Variants in SGCD observed in about 807,000 individuals in gnomAD.
SGCD encodes sarcoglycan delta.
SGCD carries 18 observed loss-of-function variants against 36.6 expected under a neutral mutation model. The observed-to-expected ratio is 0.49, with a 90% CI of 0.34 to 0.73. SGCD has a LOEUF of 0.73. Ranked by LOEUF, SGCD falls within the 30% of genes least tolerant of loss-of-function variation. The pLI is 0.01. For synonymous variants in SGCD, 133 were observed against 130.6 expected, an observed-to-expected ratio of 1.02 and a Z score of -0.12; for missense variants, 387 against 346.7, an observed-to-expected ratio of 1.12 and a Z score of -0.92.
At chr5:156,114,652 A>G (rs987674321) in intron 1 of SGCD, among the ~76,000 whole-genome samples, 1 of 151,996 alleles carries the variant, frequency 6.6e-6, no homozygotes, top group Non-Finnish European at 1.5e-5. Context: ...TAAGGCCCCA[A>G]CCAGTTGTTT....
At chr5:155,957,842 C>T (rs1757695248) in intron 1 of SGCD, among the ~76,000 whole-genome samples, 1 of 152,108 alleles carries the variant, frequency 6.6e-6, no homozygotes, top group Non-Finnish European at 1.5e-5. Context: ...AGGACATGGA[C>T]ATCTTTGGGA....
intron 6 of SGCD, among the ~76,000 whole-genome samples, chr5:156,611,261 C>A (rs529299443): frequency 2.6e-5 from 4 of 152,350 alleles, no homozygotes; most frequent in African/African-American, 9.6e-5. Context: ...ATTGTTCTTT[C>A]ATTTCCAGGT....
At chr5:156,336,742 G>C (rs1768375246) in intron 2 of SGCD, among the ~76,000 whole-genome samples, 3 of 152,246 alleles carry the variant, frequency 2.0e-5, no homozygotes, top group African/African-American at 7.2e-5. Context: ...GGTTGCCTCA[G>C]TGTGGGGAGG....
chr5:156,349,728 A>T (rs907362058), intron 3 of SGCD, among the ~76,000 whole-genome samples: 1 of 152,168 alleles, frequency 6.6e-6, no homozygotes, highest in Non-Finnish European at 1.5e-5. Context: ...TTGATCCAGT[A>T]ATCTCACTGC....
At chr5:156,620,064 G>A (rs753516300) in intron 6 of SGCD, among the ~76,000 whole-genome samples, 6 of 152,162 alleles carry the variant, frequency 3.9e-5, no homozygotes, top group Non-Finnish European at 5.9e-5. Flanking sequence ...AGTAGTATAC[G>A]TCAGCAGAAT....
chr5:156,363,958 C>T (rs149058206), intron 3 of SGCD, among the ~76,000 whole-genome samples: 16 of 152,198 alleles, frequency 1.1e-4, no homozygotes, highest in South Asian at 2.1e-4. Flanking sequence ...CAGGTCTGGA[C>T]GAATAACTGT....
At chr5:155,934,318 C>T (rs1757155123) in intron 1 of SGCD, among the ~76,000 whole-genome samples, 1 of 152,202 alleles carries the variant, frequency 6.6e-6, no homozygotes, top group African/African-American at 2.4e-5. Flanking sequence ...AATGGCCTGA[C>T]TTAGTTGGCA....
chr5:155,799,817 T>C, the SGCD span, among the ~76,000 whole-genome samples: 28 of 135,146 alleles, frequency 2.1e-4, no homozygotes, highest in African/African-American at 4.0e-4. Context: ...TTCCCCTTTT[T>C]TTTTTTTTTT....
At chr5:156,116,235 T>C (rs959003408) in intron 1 of SGCD, among the ~76,000 whole-genome samples, 2 of 152,104 alleles carry the variant, frequency 1.3e-5, no homozygotes, top group Non-Finnish European at 2.9e-5. Flanking sequence ...CCTTTTTTTC[T>C]TAGTATTATT....
rs1759913993 is a variant in SGCD at position 156,051,467 on chromosome 5, C to CTA, written c.-281-66404_-281-66403dup. On this transcript the variant is annotated intron_variant, in intron 1 of 9. Coordinates refer to the SGCD transcript ENST00000517913. Reference sequence around the variant, plus strand: ...GTCTGCTTTTTGGCAAACTGAATAACTATATATAATATACCCAGTGTTCCA... The same window carrying CTA: ...GTCTGCTTTTTGGCAAACTGAATAACTATATATATAATATACCCAGTGTTCCA... 2.1e-5 allele frequency among the ~76,000 whole-genome samples: 3 copies of CTA among 146,276 alleles called. 1 individual carries two copies. Among genetic ancestry groups the CTA allele is most frequent in the Admixed American group, 2.0e-4 (3 of 14,640 alleles).
chr5:156,569,451 G>A (rs1308623670), intron 4 of SGCD, among the ~76,000 whole-genome samples: 2 of 152,064 alleles, frequency 1.3e-5, no homozygotes, highest in Non-Finnish European at 2.9e-5. Flanking sequence ...AATTAGCCAG[G>A]CATGGTGGCA....
Position 156,272,408 on chromosome 5 carries a change from T to C in SGCD, c.-43-57126T>C, listed in dbSNP as rs150685459. Among the ~76,000 whole-genome samples the C allele has an allele frequency of 2.6e-5, 4 of 152,372 alleles. No homozygotes were observed. In the East Asian group the frequency reaches 7.7e-4, roughly 29 times the overall value. Reference sequence around the variant, plus strand: ...TGGTGTATATATACCACATTTTCTTTATCCACCCATTGGTTGATGGGCACT... The same window carrying C: ...TGGTGTATATATACCACATTTTCTTCATCCACCCATTGGTTGATGGGCACT... On this transcript the variant is annotated intron_variant, in intron 3 of 9. Transcript: ENST00000517913.
chr5:156,238,454 A>G (rs1179334810), intron 3 of SGCD, among the ~76,000 whole-genome samples: 1 of 152,078 alleles, frequency 6.6e-6, no homozygotes, highest in East Asian at 1.9e-4. Flanking sequence ...TGCCTCATGG[A>G]ATTACCTTTC....
At chr5:155,776,846 CAT>C in the SGCD span, among the ~76,000 whole-genome samples, 5 of 152,116 alleles carry the variant, frequency 3.3e-5, no homozygotes, top group Admixed American at 2.0e-4. Flanking sequence ...GCATGAACCA[CAT>C]GTTTTAAAAA....
chr5:156,683,822 A>G (rs1324194078), intron 7 of SGCD, among the ~76,000 whole-genome samples: 3 of 152,210 alleles, frequency 2.0e-5, no homozygotes, highest in Non-Finnish European at 2.9e-5. Context: ...TAAGGCCTCT[A>G]TGATATTTGG....
the SGCD span, among the ~76,000 whole-genome samples, chr5:155,855,786 G>A: frequency 6.6e-6 from 1 of 152,090 alleles, no homozygotes; most frequent in African/African-American, 2.4e-5. Flanking sequence ...TGAGTTGAGG[G>A]GATGGAACTG....
chr5:156,476,473 C>T (rs546288730), intron 3 of SGCD, among the ~76,000 whole-genome samples: 34 of 152,184 alleles, frequency 2.2e-4, no homozygotes, highest in Admixed American at 5.2e-4. Flanking sequence ...CTAGAAAGAC[C>T]AAATTCTAGT....
chr5:156,186,472 T>C (rs1217019956), intron 3 of SGCD, among the ~76,000 whole-genome samples: 1 of 152,146 alleles, frequency 6.6e-6, no homozygotes, highest in African/African-American at 2.4e-5. Context: ...GAGATCATTC[T>C]CCTCCTCAAA....
chr5:156,262,898 GGTGTGTGTGTGTGT>G (rs66684897), intron 3 of SGCD, among the ~76,000 whole-genome samples: 2 of 147,778 alleles, frequency 1.4e-5, no homozygotes, highest in Admixed American at 1.4e-4. Context: ...AGTATTCCAT[GGTGTGTGTGTGTGT>G]GTGTGTGTGT....
Sources: gnomAD v4.1 joint callset for allele counts (sites outside exome capture counted in the v4.1 genomes callset) on GRCh38, gnomAD v4.1.1 for gene constraint, MANE v1.5 for transcripts, NCBI Gene and HGNC (gene_info 2026-07-23, HGNC 2026-07-21) for gene names.